Variants in ADAP2 observed in about 807,000 individuals in gnomAD.
ADAP2 encodes arf-GAP with dual PH domain-containing protein 2.
A neutral mutation model predicts 54.9 loss-of-function variants in ADAP2; 42 were observed. That is an observed-to-expected ratio of 0.77 (90% confidence interval 0.60 to 0.99). The LOEUF is 0.99. Among genes scored for constraint, ADAP2 ranks in the 50% least tolerant of loss-of-function variants. ADAP2 has a pLI of 0.00. For synonymous variants in ADAP2, 177 were observed against 180.1 expected (o/e 0.98, Z 0.14); for missense variants, 429 against 480.4 (o/e 0.89, Z 1.00).
chr17:30,948,475 C>G (rs1299506659), intron 6 of ADAP2, among the ~76,000 whole-genome samples: 1 of 151,786 alleles, frequency 6.6e-6, no homozygotes, highest in Non-Finnish European at 1.5e-5. Flanking sequence ...GAGGCTGAGG[C>G]AGGAGAATGG....
intron 7 of ADAP2, 104 bp from the exon 8 acceptor site, chr17:30,953,184 A>G: frequency 1.0e-6 from 1 of 959,490 alleles, no homozygotes; most frequent in Middle Eastern, 2.7e-4. Flanking sequence ...ATGAGCGTAC[A>G]TCCTTCCCCA....
Position 30,934,308 on chromosome 17 carries a change from A to G in ADAP2, c.510+11A>G. On this transcript the variant is annotated intron_variant, in intron 5 of 10. Transcript: ENST00000330889. ...TTCACAAAGGAACAGGTAAGATGCCAGACCAATGAGAGCAGGTCCCTTCCT... is the reference window on the plus strand; with the variant it reads ...TTCACAAAGGAACAGGTAAGATGCCGGACCAATGAGAGCAGGTCCCTTCCT... The G allele has an allele frequency of 6.3e-7, 1 of 1,581,526 alleles. No homozygotes were observed. The highest frequency in any genetic ancestry group is 8.7e-7 in the Non-Finnish European group (1 of 1,151,134).
intron 5 of ADAP2, among the ~76,000 whole-genome samples, chr17:30,935,659 C>G (rs534300438): frequency 6.6e-6 from 1 of 152,276 alleles, no homozygotes; most frequent in African/African-American, 2.4e-5. Context: ...AGCCCCTGGG[C>G]CCCAGTCTCG....
intron 5 of ADAP2, among the ~76,000 whole-genome samples, chr17:30,936,110 A>G (rs1246773633): frequency 6.6e-6 from 1 of 152,022 alleles, no homozygotes; most frequent in African/African-American, 2.4e-5. Context: ...TTCTGTCTCT[A>G]TGGATTTGCC....
At position 30,953,325 on chromosome 17, in the gene ADAP2, G is replaced by A; in HGVS notation, c.779G>A (p.Gly260Asp). The A allele has an allele frequency of 2.5e-6, 4 of 1,614,000 alleles. No homozygotes were observed. The highest frequency in any genetic ancestry group is 3.3e-4 in the Middle Eastern group (2 of 6,062). ...PFLTRNYLKQGFMEKTGPKQK... is the reference protein window; with the variant it reads ...PFLTRNYLKQDFMEKTGPKQK... ...CTCACCAGGAACTACCTCAAACAAGGCTTCATGGAAAAGACTGGGCCAAAG... is the reference window on the plus strand; with the variant it reads ...CTCACCAGGAACTACCTCAAACAAGACTTCATGGAAAAGACTGGGCCAAAG... Residue 260 changes from glycine to aspartate, a missense_variant, in exon 8 of 11, where the codon GGC becomes GAC. Coordinates refer to ENST00000330889, the MANE Select transcript of ADAP2 (RefSeq NM_018404.3).
intron 10 of ADAP2, among the ~76,000 whole-genome samples, chr17:30,957,343 T>G (rs781502873): frequency 1.3e-5 from 2 of 152,166 alleles, no homozygotes; most frequent in Non-Finnish European, 2.9e-5. Context: ...TCTCCTTTGC[T>G]GGTGTGTGCA....
At chr17:30,924,300 G>A (rs1421611670) in intron 2 of ADAP2, among the ~76,000 whole-genome samples, 2 of 151,916 alleles carry the variant, frequency 1.3e-5, no homozygotes, top group African/African-American at 2.4e-5. Flanking sequence ...CTGAGCCTGT[G>A]AGAGTGTGGC....
In ADAP2 at chr17:30,958,084, T is replaced by A. The variant is rs907808263; in HGVS notation, c.*215T>A. Reference sequence around the variant, plus strand: ...GGGATCTGAGGATCTGGTGCATAGATGAACATCTATCCCCTCCTCCCCCAT... The same window carrying A: ...GGGATCTGAGGATCTGGTGCATAGAAGAACATCTATCCCCTCCTCCCCCAT... On this transcript the variant is annotated 3_prime_UTR_variant, in exon 11 of 11. Coordinates refer to ENST00000330889, the MANE Select transcript of ADAP2 (RefSeq NM_018404.3). 1 of 600,878 alleles carries A rather than the reference T, an allele frequency of 1.7e-6. No individual in the cohort carries two copies. The highest frequency in any genetic ancestry group is 2.7e-5 in the Admixed American group (1 of 37,050). The allele number at this position is 600,878 out of a possible 1,614,324, so 37.2% of individuals were successfully genotyped here. A position where few individuals can be genotyped will look rare whatever the true frequency, so the allele number is the denominator to read the frequency against.
chr17:30,943,210 A>G lies in ADAP2; in HGVS notation c.511-1697A>G, dbSNP rs181274315. Among the ~76,000 whole-genome samples the G allele has an allele frequency of 1.7e-4, 26 of 152,266 alleles. No individual in the cohort carries two copies. The East Asian group carries it at 5.0e-3, about 29-fold the overall frequency. ...GAGAAACCCTGTCTCTACTAAAAAT[A>G]CAAAATTAGCCAGGCGTGGTGGCGT... On this transcript the variant is annotated intron_variant, in intron 5 of 10. Coordinates refer to ENST00000330889, the MANE Select transcript of ADAP2 (RefSeq NM_018404.3).
At chr17:30,933,663 C>A (rs1181043977) in intron 4 of ADAP2, among the ~76,000 whole-genome samples, 1 of 152,124 alleles carries the variant, frequency 6.6e-6, no homozygotes, top group Non-Finnish European at 1.5e-5. Context: ...CCATGCCCAG[C>A]TAATTTTTGT....
At chr17:30,948,408 C>CA (rs539830100) in intron 6 of ADAP2, among the ~76,000 whole-genome samples, 36,517 of 137,442 alleles carry the variant, frequency 0.27, 5,623 homozygotes, top group Non-Finnish European at 0.37. Flanking sequence ...ACTAAAAATA[C>CA]AAAAAAAAAA....
rs1416703520 is a variant in ADAP2, at chr17:30,922,978, T to A, written c.133T>A (p.Cys45Ser). 6.2e-7 allele frequency: 1 copy of A among 1,614,096 alleles called. No individual in the cohort carries two copies. The highest frequency in any genetic ancestry group is 2.2e-5 in the East Asian group (1 of 44,886). ...CTCTTACAAGCTGGGGATCTTCATCTGTCTCAACTGCTGCGGCGTCCACCG... is the reference window on the plus strand; with the variant it reads ...CTCTTACAAGCTGGGGATCTTCATCAGTCTCAACTGCTGCGGCGTCCACCG... Reference protein sequence around the residue: ...WASYKLGIFICLNCCGVHRNF... With the variant: ...WASYKLGIFISLNCCGVHRNF... The change falls in exon 2 of 11, where the codon TGT becomes AGT. Residue 45 changes from cysteine (C) to serine (S), a missense_variant. By Grantham distance (112) the Cys-to-Ser change is moderately radical. Transcript: ENST00000330889.
intron 7 of ADAP2, among the ~76,000 whole-genome samples, chr17:30,950,289 T>C (rs936480598): frequency 6.6e-6 from 1 of 152,170 alleles, no homozygotes; most frequent in Non-Finnish European, 1.5e-5. Context: ...GTCTCCAGAC[T>C]TCTGGGGCCT....
chr17:30,923,958 C>T (rs1185671957), intron 2 of ADAP2, among the ~76,000 whole-genome samples: 2 of 152,104 alleles, frequency 1.3e-5, no homozygotes, highest in East Asian at 3.9e-4. Flanking sequence ...CCCTCCTCGG[C>T]CTCCCAAAGT....
intron 8 of ADAP2, 46 bp downstream of exon 8, chr17:30,953,396 A>G (rs776316242): frequency 1.3e-6 from 2 of 1,579,804 alleles, no homozygotes; most frequent in Non-Finnish European, 1.7e-6. Context: ...TTTAATGTAT[A>G]TAGAAGGTTT....
intron 5 of ADAP2, among the ~76,000 whole-genome samples, chr17:30,943,440 C>T (rs564320667): frequency 2.7e-4 from 41 of 152,064 alleles, no homozygotes; most frequent in Admixed American, 2.2e-3. Context: ...GTATTTTCAT[C>T]GCAGCACTAT....
chr17:30,953,163 T>A (rs1881651660), intron 7 of ADAP2, 125 bp from the exon 8 acceptor site: 2 of 777,806 alleles, frequency 2.6e-6, no homozygotes, highest in Admixed American at 4.8e-5. Context: ...CCAAATATAA[T>A]ACTGTGAGCC....
At chr17:30,934,035 T>G in intron 4 of ADAP2, 150 bp from the exon 5 acceptor site, 1 of 605,318 alleles carries the variant, frequency 1.7e-6, no homozygotes, top group Non-Finnish European at 2.9e-6. Context: ...GGGATCCTTG[T>G]GTTCTGCAGC....
intron 5 of ADAP2, among the ~76,000 whole-genome samples, chr17:30,941,520 G>C (rs1037708001): frequency 6.6e-6 from 1 of 152,186 alleles, no homozygotes; most frequent in African/African-American, 2.4e-5. Context: ...GTTGCTCTGA[G>C]AGGGGCTGTT....
Sources: gnomAD v4.1 joint callset for allele counts (sites outside exome capture counted in the v4.1 genomes callset) on GRCh38, gnomAD v4.1.1 for gene constraint, MANE v1.5 for transcripts, NCBI Gene and HGNC (gene_info 2026-07-23, HGNC 2026-07-21) for gene names.